Variants in ARHGEF6 observed in about 807,000 individuals in gnomAD.
ARHGEF6 encodes Rac/Cdc42 guanine nucleotide exchange factor 6.
Under a neutral mutation model 70.3 loss-of-function variants are expected in ARHGEF6, and 9 were observed. The observed-to-expected ratio is 0.13, with a 90% confidence interval of 0.08 to 0.22. ARHGEF6 has a LOEUF of 0.22. Among genes scored for constraint, ARHGEF6 ranks in the 10% least tolerant of loss-of-function variants. ARHGEF6 has a pLI of 1.00. For synonymous variants in ARHGEF6, 201 were observed against 207.8 expected, an observed-to-expected ratio of 0.97 and a Z score of 0.28; for missense variants, 470 against 563.0, an observed-to-expected ratio of 0.83 and a Z score of 1.67.
chrX:136,684,335 A>G (rs1388619568), intron 12 of ARHGEF6, among the ~76,000 whole-genome samples: 1 of 112,134 alleles, frequency 8.9e-6, no homozygotes, highest in African/African-American at 3.2e-5. Context: ...TAATAGTTAG[A>G]CTCACTGCAG....
chrX:136,770,701 T>TA (rs762227126), intron 2 of ARHGEF6, among the ~76,000 whole-genome samples: 1 of 112,701 alleles, frequency 8.9e-6, no homozygotes, highest in Non-Finnish European at 1.9e-5. Flanking sequence ...AGATGAATAT[T>TA]AAAAAATCAA....
chrX:136,701,950 G>A (rs886642487), intron 9 of ARHGEF6, among the ~76,000 whole-genome samples: 4 of 110,227 alleles, frequency 3.6e-5, no homozygotes, highest in African/African-American at 6.6e-5. Flanking sequence ...CTCGTGATCC[G>A]CCCACCTCGG....
At position 136,779,500 on chromosome X, in the gene ARHGEF6, A is replaced by G; in HGVS notation, c.166-3T>C. 1 of 1,200,268 alleles carries G rather than the reference A, an allele frequency of 8.3e-7. No homozygotes were observed. Among genetic ancestry groups the G allele is most frequent in the Non-Finnish European group, 1.1e-6 (1 of 885,070 alleles). On this transcript the variant is annotated splice_region_variant and splice_polypyrimidine_tract_variant and intron_variant, in intron 1 of 21. Transcript: ENST00000250617. ...TCAGTTTGGGGATCCAGACAAAACT[A>G]GAGGAACACAGTGAAATGTCACTTG...
chrX:136,671,227 A>G (rs2076222799), intron 20 of ARHGEF6, among the ~76,000 whole-genome samples: 1 of 112,028 alleles, frequency 8.9e-6, no homozygotes, highest in South Asian at 3.7e-4. Context: ...TCACACAGCT[A>G]ATGAGTAGCA....
At chrX:136,687,879 T>C in intron 11 of ARHGEF6, 53 bp downstream of exon 11, 1 of 1,048,307 alleles carries the variant, frequency 9.5e-7, no homozygotes, top group Non-Finnish European at 1.3e-6. Flanking sequence ...AAATCGCTCT[T>C]TCAGGAATAA....
At chrX:136,728,981 T>TG (rs772562984) in intron 6 of ARHGEF6, among the ~76,000 whole-genome samples, 1 of 100,802 alleles carries the variant, frequency 9.9e-6, no homozygotes, top group African/African-American at 3.7e-5. Flanking sequence ...CATAGTCACA[T>TG]GTGCCAATTC....
intron 2 of ARHGEF6, among the ~76,000 whole-genome samples, chrX:136,749,275 T>G (rs779425593): frequency 1.8e-5 from 2 of 111,415 alleles, no homozygotes; most frequent in Admixed American, 1.9e-4. Flanking sequence ...TCAGACTTAT[T>G]GAGTCTCCCT....
At chrX:136,717,200 A>G (rs1004697350) in intron 6 of ARHGEF6, among the ~76,000 whole-genome samples, 1 of 112,028 alleles carries the variant, frequency 8.9e-6, no homozygotes, top group Admixed American at 9.5e-5. Flanking sequence ...AATAAAGAAA[A>G]AAGTATTGAA....
rs140971495 is a variant in ARHGEF6 at position 136,725,781 on chromosome X, G to A, written c.732+6321C>T. ...TGACTCTGTCTTCACAAGGACAACT[G>A]GGCATCCTTTTGCTCAACCAACCTT... On this transcript the variant is annotated intron_variant, in intron 6 of 21. Transcript: ENST00000250617. 7.9e-3 allele frequency among the ~76,000 whole-genome samples: 882 copies of A among 111,623 alleles called. 8 individuals are homozygous for A. Among genetic ancestry groups the A allele is most frequent in the African/African-American group, 0.027 (835 of 30,642 alleles).
chrX:136,739,952 G>T (rs2077025691), intron 5 of ARHGEF6, among the ~76,000 whole-genome samples: 2 of 111,720 alleles, frequency 1.8e-5, no homozygotes, highest in African/African-American at 6.5e-5. Flanking sequence ...AGGCTATTGT[G>T]ATGGCCTTGG....
At chrX:136,688,128 A>G (rs910286305) in intron 10 of ARHGEF6, 137 bp from the exon 11 acceptor site, 5 of 510,051 alleles carry the variant, frequency 9.8e-6, no homozygotes, top group Admixed American at 5.4e-5. Context: ...TCTGTATTTT[A>G]ATTGTGGTCA....
chrX:136,681,163 A>C (rs890812327), intron 14 of ARHGEF6, among the ~76,000 whole-genome samples: 1 of 112,609 alleles, frequency 8.9e-6, no homozygotes, highest in African/African-American at 3.2e-5. Context: ...TGCAATCCAA[A>C]AACATAAGCA....
intron 6 of ARHGEF6, among the ~76,000 whole-genome samples, chrX:136,720,103 A>C (rs1335535376): frequency 8.9e-6 from 1 of 112,194 alleles, no homozygotes; most frequent in Non-Finnish European, 1.9e-5. Flanking sequence ...CTCTTCCAAA[A>C]CACAGAAGCA....
intron 10 of ARHGEF6, among the ~76,000 whole-genome samples, chrX:136,689,767 A>T (rs1306093540): frequency 9.0e-6 from 1 of 111,551 alleles, no homozygotes; most frequent in Non-Finnish European, 1.9e-5. Flanking sequence ...CTTTCCCCAG[A>T]CACAGGAAGA....
At chrX:136,694,122 G>A (rs1271641153) in intron 9 of ARHGEF6, among the ~76,000 whole-genome samples, 1 of 103,722 alleles carries the variant, frequency 9.6e-6, no homozygotes, top group Non-Finnish European at 1.9e-5. Context: ...GTGCGATCTT[G>A]GCTCACTGCA....
chrX:136,687,275 G>A (rs1334541932), intron 11 of ARHGEF6, among the ~76,000 whole-genome samples: 3 of 111,962 alleles, frequency 2.7e-5, no homozygotes, highest in African/African-American at 6.5e-5. Flanking sequence ...TTAAACATTA[G>A]TCCAAATCAC....
At chrX:136,712,004 G>C (rs767561162) in intron 7 of ARHGEF6, among the ~76,000 whole-genome samples, 1 of 112,730 alleles carries the variant, frequency 8.9e-6, no homozygotes, top group Non-Finnish European at 1.9e-5. Flanking sequence ...CAAGAACAAA[G>C]GCATTATAAC....
intron 9 of ARHGEF6, among the ~76,000 whole-genome samples, chrX:136,703,567 G>T (rs2076597226): frequency 8.9e-6 from 1 of 112,158 alleles, no homozygotes; most frequent in Admixed American, 9.4e-5. Context: ...TTGTTGCCCA[G>T]GCAGGAGTGC....
At chrX:136,741,526 T>C (rs2077041841) in intron 5 of ARHGEF6, among the ~76,000 whole-genome samples, 1 of 102,391 alleles carries the variant, frequency 9.8e-6, no homozygotes, top group Admixed American at 1.0e-4. Flanking sequence ...TTTTCTTTTC[T>C]TTTTTTTTTT....
Sources: allele counts gnomAD v4.1 joint callset (sites outside exome capture counted in the v4.1 genomes callset), GRCh38; gene constraint gnomAD v4.1.1; transcripts MANE v1.5; gene names NCBI Gene and HGNC (gene_info 2026-07-23, HGNC 2026-07-21).